The following KCNIP3 variants were observed in gnomAD, a reference collection of about 807,000 sequenced individuals.
KCNIP3 encodes the protein calsenilin.
KCNIP3 carries 28 observed loss-of-function variants against 35.0 expected under a neutral mutation model. The ratio of observed to expected loss-of-function variants is 0.80; its 90% confidence interval spans 0.59 to 1.10. The LOEUF is 1.10. Among genes scored for constraint, KCNIP3 ranks in the 50% least tolerant of loss-of-function variants. The pLI is 0.00. For missense variants in KCNIP3, 295 were observed against 338.4 expected (o/e 0.87, Z 1.01); for synonymous variants, 134 against 133.8 (o/e 1.00, Z -0.01).
chr2:95,326,201 A>G (rs1678776722), intron 2 of KCNIP3, among the ~76,000 whole-genome samples: 1 of 151,126 alleles, frequency 6.6e-6, no homozygotes, highest in Non-Finnish European at 1.5e-5. Flanking sequence ...ACATACACGC[A>G]CTCATATACA....
chr2:95,374,809 G>T, intron 3 of KCNIP3, 39 bp from the exon 4 acceptor site: 1 of 1,604,890 alleles, frequency 6.2e-7, no homozygotes. Context: ...CTTGGAGCTG[G>T]GGGTGGCCGA....
chr2:95,353,299 G>T (rs374696596), intron 2 of KCNIP3, among the ~76,000 whole-genome samples: 1 of 152,230 alleles, frequency 6.6e-6, no homozygotes, highest in South Asian at 2.1e-4. Context: ...CCCAGAGGAA[G>T]AGCAGCTGAC....
intron 1 of KCNIP3, among the ~76,000 whole-genome samples, chr2:95,309,214 G>A (rs1298207657): frequency 6.6e-6 from 1 of 152,198 alleles, no homozygotes; most frequent in African/African-American, 2.4e-5. Flanking sequence ...GTGCACAGAG[G>A]TGTGGCCAGC....
intron 2 of KCNIP3, among the ~76,000 whole-genome samples, chr2:95,315,766 A>C: frequency 2.1e-5 from 3 of 146,184 alleles, no homozygotes; most frequent in Non-Finnish European, 3.0e-5. Flanking sequence ...CGGCTTCGAG[A>C]CCGTAGGGGG....
chr2:95,383,219 G>C lies in KCNIP3; in HGVS notation c.661-13G>C. The C allele has an allele frequency of 6.2e-7, 1 of 1,612,904 alleles. No individual in the cohort carries two copies. Among genetic ancestry groups the C allele is most frequent in the African/African-American group, 1.3e-5 (1 of 74,934 alleles). The stretch of plus-strand genomic sequence containing the variant: ...GGGGCACAGACTCACTTTGGGCATG[G>C]CTTGGGTTGCAGAAAATGGACCGGA... On this transcript the variant is annotated splice_polypyrimidine_tract_variant and intron_variant, in intron 7 of 8. Coordinates refer to ENST00000295225, the MANE Select transcript of KCNIP3 (RefSeq NM_013434.5).
At chr2:95,351,602 T>A (rs1168774962) in intron 2 of KCNIP3, among the ~76,000 whole-genome samples, 1 of 152,224 alleles carries the variant, frequency 6.6e-6, no homozygotes, top group Non-Finnish European at 1.5e-5. Context: ...AAGTTTGGGA[T>A]GTATTTTCTA....
At chr2:95,345,901 G>A (rs554015077) in intron 2 of KCNIP3, among the ~76,000 whole-genome samples, 3 of 152,352 alleles carry the variant, frequency 2.0e-5, no homozygotes, top group African/African-American at 7.2e-5. Flanking sequence ...CCCGTGCGTG[G>A]CACTCCGCAT....
chr2:95,323,329 G>A (rs1220536783), intron 2 of KCNIP3, among the ~76,000 whole-genome samples: 7 of 152,190 alleles, frequency 4.6e-5, no homozygotes, highest in African/African-American at 1.2e-4. Context: ...GTGGGGAGAG[G>A]AGACAGGAGC....
chr2:95,375,886 G>A (rs1004451760), intron 5 of KCNIP3, among the ~76,000 whole-genome samples: 7 of 152,244 alleles, frequency 4.6e-5, no homozygotes, highest in African/African-American at 1.4e-4. Flanking sequence ...CTTTCTGAGA[G>A]CCGGCTTGAT....
chr2:95,308,665 AT>A (rs1678238401), intron 1 of KCNIP3, among the ~76,000 whole-genome samples: 1 of 152,120 alleles, frequency 6.6e-6, no homozygotes, highest in Admixed American at 6.6e-5. Context: ...GTGGACGGGC[AT>A]GGCCAGGGCT....
chr2:95,382,297 C>T lies in KCNIP3; in HGVS notation c.556-80C>T. ...TCACTGCCTTGGAGGTGCCCTGCAC[C>T]CTTGGATGCCGCCCGCTCCCTTTGG... On this transcript the variant is annotated intron_variant, in intron 6 of 8. Transcript: ENST00000295225. The surrounding 1 kb of genome is among the most constrained non-coding windows in gnomAD (Gnocchi z 4.5). The T allele has an allele frequency of 1.1e-6, 1 of 874,358 alleles. No homozygotes were observed. The highest frequency in any genetic ancestry group is 1.7e-6 in the Non-Finnish European group (1 of 577,660). The allele number at this position is 874,358 out of a possible 1,614,324, so 54.2% of individuals were successfully genotyped here.
chr2:95,382,528 A>G lies in KCNIP3; in HGVS notation c.660+47A>G. ...CTAGGGAGGGGAGCCTGGCAGAGGA[A>G]GGGGCTCTCGCTTTTGGGGCCACCC... On this transcript the variant is annotated intron_variant, in intron 7 of 8. Coordinates refer to ENST00000295225, the MANE Select transcript of KCNIP3 (RefSeq NM_013434.5). The surrounding 1 kb of genome is among the most constrained non-coding windows in gnomAD (Gnocchi z 4.5). 7.0e-7 allele frequency: 1 copy of G among 1,434,622 alleles called. No individual in the cohort carries two copies. The highest frequency in any genetic ancestry group is 9.6e-7 in the Non-Finnish European group (1 of 1,046,234). The allele number at this position is 1,434,622 out of a possible 1,614,324, so 88.9% of individuals were successfully genotyped here. A position where few individuals can be genotyped will look rare whatever the true frequency, so the allele number is the denominator to read the frequency against.
chr2:95,307,513 G>T lies in KCNIP3; in HGVS notation c.16-2842G>T, dbSNP rs544162402. On this transcript the variant is annotated intron_variant, in intron 1 of 8. Transcript: ENST00000295225. The stretch of plus-strand genomic sequence containing the variant: ...GGGGATCGTCTTACCGATTGCAGGG[G>T]GTTGTCGTGACGAGATTACTTTCAG... 9.2e-5 allele frequency among the ~76,000 whole-genome samples: 14 copies of T among 152,362 alleles called. No individual in the cohort carries two copies. In the South Asian group the frequency reaches 2.3e-3, roughly 25 times the overall value.
chr2:95,314,937 C>G (rs560767818), intron 2 of KCNIP3, among the ~76,000 whole-genome samples: 2 of 152,300 alleles, frequency 1.3e-5, no homozygotes, highest in African/African-American at 4.8e-5. Context: ...ACAGGGCAGC[C>G]CTGGAACCCG....
At position 95,382,244 on chromosome 2, in the gene KCNIP3, T is replaced by C; in HGVS notation, c.556-133T>C. 2.0e-6 allele frequency: 1 copy of C among 503,436 alleles called. No individual in the cohort carries two copies. The highest frequency in any genetic ancestry group is 3.5e-6 in the Non-Finnish European group (1 of 284,616). 31.2% of individuals were successfully genotyped at this position (503,436 alleles called of 1,614,324 possible). ...GGTGCCCTGGAAGCGGACAGGCTTCTCTCTCCAGCTCGTCCGGCCCCTCGC... is the reference window on the plus strand; with the variant it reads ...GGTGCCCTGGAAGCGGACAGGCTTCCCTCTCCAGCTCGTCCGGCCCCTCGC... On this transcript the variant is annotated intron_variant, in intron 6 of 8. Transcript: ENST00000295225. This position sits in a 1 kb window ranked among gnomAD's most constrained non-coding sequence, Gnocchi z 4.5.
intron 1 of KCNIP3, among the ~76,000 whole-genome samples, chr2:95,298,116 G>C (rs1677922219): frequency 6.6e-6 from 1 of 152,174 alleles, no homozygotes; most frequent in African/African-American, 2.4e-5. Context: ...GAAGGGTGAA[G>C]AATTAAAGGA....
At position 95,374,277 on chromosome 2, in the gene KCNIP3, G is replaced by C. The variant is rs1251948206; in HGVS notation, c.182-19G>C. On this transcript the variant is annotated intron_variant, in intron 2 of 8. Transcript: ENST00000295225. Reference sequence around the variant, plus strand: ...CAGGGCTACAGGCCTTACACTCTCTGGTCTGTGTCCCACTCCAGATAGCAG... The same window carrying C: ...CAGGGCTACAGGCCTTACACTCTCTCGTCTGTGTCCCACTCCAGATAGCAG... The C allele has an allele frequency of 6.2e-7, 1 of 1,612,492 alleles. No homozygotes were observed. The highest frequency in any genetic ancestry group is 1.7e-5 in the Admixed American group (1 of 59,964).
chr2:95,308,390 T>C (rs1678230597), intron 1 of KCNIP3, among the ~76,000 whole-genome samples: 1 of 152,176 alleles, frequency 6.6e-6, no homozygotes, highest in Non-Finnish European at 1.5e-5. Flanking sequence ...AGTTGGGACC[T>C]AGCTGGGGAA....
chr2:95,351,549 G>A (rs1225865387), intron 2 of KCNIP3, among the ~76,000 whole-genome samples: 1 of 152,230 alleles, frequency 6.6e-6, no homozygotes, highest in African/African-American at 2.4e-5. Context: ...CTGGGGCGGG[G>A]TGCAGGTTTG....
Sources: allele counts gnomAD v4.1 joint callset (sites outside exome capture counted in the v4.1 genomes callset), GRCh38; gene constraint gnomAD v4.1.1; non-coding constraint Gnocchi (gnomAD v3.1); transcripts MANE v1.5; gene names NCBI Gene and HGNC (gene_info 2026-07-23, HGNC 2026-07-21).